Variants in LRRC4C observed in about 807,000 individuals in gnomAD.
LRRC4C encodes leucine rich repeat containing 4C, also known as leucine-rich repeat-containing protein 4C.
A neutral mutation model predicts 33.6 loss-of-function variants in LRRC4C; 5 were observed. The observed-to-expected ratio is 0.15, with a 90% CI of 0.08 to 0.31. The LOEUF (loss-of-function observed/expected upper bound fraction) is 0.31. LRRC4C is among the 10% of genes least tolerant of loss of function. The pLI is 1.00. For synonymous variants in LRRC4C, 329 were observed against 302.0 expected (o/e 1.09, Z -0.93); for missense variants, 560 against 796.7 (o/e 0.70, Z 3.58).
intron 1 of LRRC4C, among the ~76,000 whole-genome samples, chr11:41,304,763 G>GT (rs1950425956): frequency 9.4e-6 from 1 of 105,860 alleles, no homozygotes; most frequent in African/African-American, 3.8e-5. Context: ...CGTCTGGGAG[G>GT]GAGGTGGGGG....
Position 40,115,012 on chromosome 11 carries a change from C to A in LRRC4C, c.1281G>T (p.Met427Ile), listed in dbSNP as rs1369414713. The part of the protein sequence containing the change: ...TVQDTGMYTC[M>I]VSNSVGNTTA... The stretch of plus-strand genomic sequence containing the variant: ...TAGTATTCCCAACGGAATTACTCAC[C>A]ATACATGTGTACATGCCTGTATCTT... Residue 427 changes from methionine to isoleucine, a missense_variant, in exon 7 of 7, where the codon ATG (methionine) becomes ATT (isoleucine). Transcript: ENST00000528697. This position sits in a 1 kb window ranked among gnomAD's most constrained non-coding sequence, Gnocchi z 6.7. 1 of 1,614,214 alleles carries A rather than the reference C, an allele frequency of 6.2e-7. No individual in the cohort carries two copies. The highest frequency in any genetic ancestry group is 1.3e-5 in the African/African-American group (1 of 75,064).
At chr11:40,578,141 G>GATTTTTTTTTTTTTTTT (rs1958292829) in intron 3 of LRRC4C, among the ~76,000 whole-genome samples, 1 of 50,136 alleles carries the variant, frequency 2.0e-5, no homozygotes, top group Non-Finnish European at 3.7e-5. Flanking sequence ...TTTTTTTTCG[G>GATTTTTTTTTTTTTTTT]TTTTTTTTTT....
At chr11:40,395,254 T>C (rs2137489119) in intron 3 of LRRC4C, among the ~76,000 whole-genome samples, 1 of 152,188 alleles carries the variant, frequency 6.6e-6, no homozygotes, top group South Asian at 2.1e-4. Context: ...GGTGATAAAC[T>C]TTTGGCATTG....
At position 41,147,741 on chromosome 11, in the gene LRRC4C, T is replaced by C. The variant is rs576723695; in HGVS notation, c.-495-214018A>G. Among the ~76,000 whole-genome samples, 200 of 152,194 alleles carry C rather than the reference T, an allele frequency of 1.3e-3. 1 individual carries two copies. The highest frequency in any genetic ancestry group is 1.7e-3 in the Non-Finnish European group (116 of 68,034). On this transcript the variant is annotated intron_variant, in intron 1 of 6. Coordinates refer to ENST00000528697, the MANE Select transcript of LRRC4C (RefSeq NM_001258419.2). ...CAACAAACAAATACTCAAAGAGCTT[T>C]AATCAGACATTTATCAAAGAAGATA...
chr11:41,245,252 C>T lies in LRRC4C; in HGVS notation c.-496+214179G>A, dbSNP rs576908417. Among the ~76,000 whole-genome samples the T allele has an allele frequency of 1.9e-3, 294 of 152,306 alleles. 1 individual carries two copies. The highest frequency in any genetic ancestry group is 6.7e-3 in the African/African-American group (280 of 41,584). The stretch of plus-strand genomic sequence containing the variant: ...GTGACTATGCCTGAGTTTTGCTCGG[C>T]CTGCTGGGCTTGTTCCGCCCACTCA... On this transcript the variant is annotated intron_variant, in intron 1 of 6. Coordinates refer to ENST00000528697, the MANE Select transcript of LRRC4C (RefSeq NM_001258419.2).
rs1950920325 is a variant in LRRC4C at position 40,431,240 on chromosome 11, A to G, written c.-269-111519T>C. On this transcript the variant is annotated intron_variant, in intron 3 of 6. Transcript: ENST00000528697. ...TCAGGAGTTCAAGACCAGCCTGGCT[A>G]ACATGGTGAAACACTGTCTCTACTA... Among the ~76,000 whole-genome samples the G allele has an allele frequency of 2.6e-5, 4 of 151,646 alleles. No homozygotes were observed. In the South Asian group the frequency reaches 8.3e-4, roughly 32 times the overall value.
intron 2 of LRRC4C, among the ~76,000 whole-genome samples, chr11:40,898,236 C>T (rs933534405): frequency 1.3e-4 from 19 of 151,274 alleles, no homozygotes; most frequent in Middle Eastern, 3.4e-3. Flanking sequence ...TGCCTGTAAT[C>T]CCAGCTACTC....
chr11:40,745,726 C>T (rs1374131818), intron 2 of LRRC4C, among the ~76,000 whole-genome samples: 2 of 152,048 alleles, frequency 1.3e-5, no homozygotes, highest in African/African-American at 4.8e-5. Context: ...TATAATTTGG[C>T]TAATATTAAC....
At chr11:41,311,033 G>A (rs1950630269) in intron 1 of LRRC4C, among the ~76,000 whole-genome samples, 1 of 152,140 alleles carries the variant, frequency 6.6e-6, no homozygotes, top group Admixed American at 6.5e-5. Context: ...CTAGGCATTT[G>A]ATTCGCATCT....
chr11:40,721,793 T>C (rs1290557291), intron 2 of LRRC4C, among the ~76,000 whole-genome samples: 1 of 144,320 alleles, frequency 6.9e-6, no homozygotes, highest in Non-Finnish European at 1.5e-5. Flanking sequence ...TACAAAAAAT[T>C]AGCCGGGCGC....
At chr11:40,965,811 C>T (rs989077768) in intron 1 of LRRC4C, among the ~76,000 whole-genome samples, 81 of 152,128 alleles carry the variant, frequency 5.3e-4, no homozygotes, top group African/African-American at 1.9e-3. Flanking sequence ...GTGATGCCTC[C>T]AACTTTGTTC....
intron 5 of LRRC4C, among the ~76,000 whole-genome samples, chr11:40,161,532 C>A (rs1859153992): frequency 6.6e-6 from 1 of 152,106 alleles, no homozygotes; most frequent in South Asian, 2.1e-4. Flanking sequence ...GGCGGGCAGA[C>A]TGCCTGAGCT....
At chr11:40,547,604 G>A (rs1555098686) in intron 3 of LRRC4C, among the ~76,000 whole-genome samples, 1 of 152,114 alleles carries the variant, frequency 6.6e-6, no homozygotes, top group South Asian at 2.1e-4. Context: ...TCAAAAAGAT[G>A]AAACACATCA....
At chr11:40,259,313 C>T (rs1386497995) in intron 4 of LRRC4C, among the ~76,000 whole-genome samples, 3 of 151,540 alleles carry the variant, frequency 2.0e-5, no homozygotes, top group Non-Finnish European at 2.9e-5. Flanking sequence ...GGATATTAGC[C>T]CTTTGTCAGA....
chr11:41,442,458 CTTTTTTTTTTTTTTTT>C (rs775679545), intron 1 of LRRC4C, among the ~76,000 whole-genome samples: 1 of 84,070 alleles, frequency 1.2e-5, no homozygotes, highest in Non-Finnish European at 2.3e-5. Flanking sequence ...TTGCTTTTTT[CTTTTTTTTTTTTTTTT>C]TTTTTTTTTT....
chr11:40,377,844 T>C (rs1172699231), intron 3 of LRRC4C, among the ~76,000 whole-genome samples: 1 of 152,118 alleles, frequency 6.6e-6, no homozygotes, highest in African/African-American at 2.4e-5. Flanking sequence ...TTTTAGTTGA[T>C]AAAATTGAGG....
chr11:40,400,294 A>T (rs1484979361), intron 3 of LRRC4C, among the ~76,000 whole-genome samples: 1 of 152,072 alleles, frequency 6.6e-6, no homozygotes, highest in East Asian at 1.9e-4. Flanking sequence ...TCCCTTCAAG[A>T]TCCAAATTAA....
At chr11:41,214,682 G>A (rs995790170) in intron 1 of LRRC4C, among the ~76,000 whole-genome samples, 3 of 148,390 alleles carry the variant, frequency 2.0e-5, no homozygotes, top group African/African-American at 7.4e-5. Context: ...CCCAGGAGGA[G>A]GAGCTTGCAG....
chr11:41,065,458 G>A (rs1010614648), intron 1 of LRRC4C, among the ~76,000 whole-genome samples: 6 of 152,134 alleles, frequency 3.9e-5, no homozygotes, highest in Non-Finnish European at 2.9e-5. Flanking sequence ...GGGAGGGGCC[G>A]GTGCAGACTC....
Sources: gnomAD v4.1 joint callset for allele counts (sites outside exome capture counted in the v4.1 genomes callset) on GRCh38, gnomAD v4.1.1 for gene constraint, Gnocchi (gnomAD v3.1) non-coding constraint, MANE v1.5 for transcripts, NCBI Gene and HGNC (gene_info 2026-07-23, HGNC 2026-07-21) for gene names.